SUCLG2: variants seen among roughly 807,000 people sequenced by gnomAD.
SUCLG2 encodes the protein succinate-CoA ligase GDP-forming subunit beta.
In SUCLG2, 42 loss-of-function variants were observed where a neutral mutation model predicts 47.9. That is an observed-to-expected ratio of 0.88 (90% CI 0.69 to 1.14). The LOEUF (loss-of-function observed/expected upper bound fraction) is 1.14, where lower values mean the gene tolerates loss of function less well. Ranked by LOEUF, SUCLG2 falls within the 50% of genes most tolerant of loss-of-function variation. SUCLG2 has a pLI of 0.00. For synonymous variants in SUCLG2, 195 were observed against 197.3 expected (o/e 0.99, Z 0.10); for missense variants, 571 against 525.9 (o/e 1.09, Z -0.84).
chr3:67,538,322 G>C (rs1706602957), intron 2 of SUCLG2, among the ~76,000 whole-genome samples: 1 of 152,188 alleles, frequency 6.6e-6, no homozygotes, highest in Non-Finnish European at 1.5e-5. Context: ...TTTAGGAAGA[G>C]GGAATTCTTT....
intron 2 of SUCLG2, among the ~76,000 whole-genome samples, chr3:67,581,562 G>C (rs1257982196): frequency 6.6e-6 from 1 of 152,194 alleles, no homozygotes; most frequent in Non-Finnish European, 1.5e-5. Flanking sequence ...CCTGTTGCAA[G>C]TTCTTTGCAC....
intron 10 of SUCLG2, among the ~76,000 whole-genome samples, chr3:67,387,391 G>A (rs1045514175): frequency 6.6e-6 from 1 of 152,164 alleles, no homozygotes; most frequent in Non-Finnish European, 1.5e-5. Context: ...TGTTCTTAAA[G>A]GGGGAAAGGT....
chr3:67,505,367 CT>C (rs1705607080), intron 7 of SUCLG2, among the ~76,000 whole-genome samples: 1 of 152,214 alleles, frequency 6.6e-6, no homozygotes, highest in Non-Finnish European at 1.5e-5. Flanking sequence ...ATATAACTTT[CT>C]GTCATTAGCA....
intron 9 of SUCLG2, among the ~76,000 whole-genome samples, chr3:67,483,415 C>T (rs1229767307): frequency 6.6e-6 from 1 of 152,156 alleles, no homozygotes; most frequent in African/African-American, 2.4e-5. Context: ...TCTCTAAGGT[C>T]AACTATCAGA....
At chr3:67,550,389 G>C (rs1448434980) in intron 2 of SUCLG2, among the ~76,000 whole-genome samples, 1 of 152,040 alleles carries the variant, frequency 6.6e-6, no homozygotes, top group East Asian at 1.9e-4. Context: ...ACCCAGGCTG[G>C]GGTACAGTGA....
intron 9 of SUCLG2, among the ~76,000 whole-genome samples, chr3:67,432,714 C>T (rs1361251089): frequency 2.6e-5 from 4 of 152,200 alleles, no homozygotes; most frequent in Admixed American, 6.5e-5. Flanking sequence ...TACCATATGC[C>T]ATCCCATTTT....
intron 4 of SUCLG2, among the ~76,000 whole-genome samples, chr3:67,520,974 C>T (rs1192938171): frequency 6.6e-6 from 1 of 152,122 alleles, no homozygotes; most frequent in African/African-American, 2.4e-5. Flanking sequence ...GAGATATTAA[C>T]AGTACACATA....
In SUCLG2 at chr3:67,470,794, G is replaced by A. The variant is rs182253714; in HGVS notation, c.1062+25004C>T. The stretch of plus-strand genomic sequence containing the variant: ...CAGTCTGTGCTATTTTGTTATAGCC[G>A]CAGAAAATGAGTTAAGATAAATGCC... On this transcript the variant is annotated intron_variant, in intron 9 of 10. Coordinates refer to ENST00000307227, the MANE Select transcript of SUCLG2 (RefSeq NM_003848.4). Among the ~76,000 whole-genome samples the A allele has an allele frequency of 2.6e-4, 40 of 152,296 alleles. No individual in the cohort carries two copies. The East Asian group carries it at 2.9e-3, about 11-fold the overall frequency.
chr3:67,520,507 G>A lies in SUCLG2; in HGVS notation c.545C>T (p.Ala182Val). The A allele has an allele frequency of 6.2e-7, 1 of 1,614,162 alleles. No homozygotes were observed. The change falls in exon 5 of 11, where the codon GCT (alanine) becomes GTT (valine). Residue 182 changes from alanine (A) to valine (V), a missense_variant. Ala to Val is a moderately conservative substitution (Grantham distance 64, BLOSUM62 0). Transcript: ENST00000307227. Reference sequence around the variant, plus strand: ...CTTAAAAATGAGCTCCGGGTTTGAAGCAGCCACCTCTTCAATGTCGACGCC... The same window carrying A: ...CTTAAAAATGAGCTCCGGGTTTGAAACAGCCACCTCTTCAATGTCGACGCC... ...QGGVDIEEVA[A>V]SNPELIFKEQ...
intron 9 of SUCLG2, among the ~76,000 whole-genome samples, chr3:67,493,330 A>G (rs1705250940): frequency 6.6e-6 from 1 of 152,228 alleles, no homozygotes; most frequent in Admixed American, 6.5e-5. Context: ...TGAGCTGTGC[A>G]TTCATTTTCC....
At chr3:67,509,846 T>C (rs1200037016) in intron 6 of SUCLG2, among the ~76,000 whole-genome samples, 2 of 152,210 alleles carry the variant, frequency 1.3e-5, no homozygotes, top group Non-Finnish European at 2.9e-5. Flanking sequence ...TTTTCAGTTC[T>C]CCAACTCTAC....
intron 9 of SUCLG2, among the ~76,000 whole-genome samples, chr3:67,416,529 T>A (rs1703043354): frequency 6.6e-6 from 1 of 152,218 alleles, no homozygotes; most frequent in African/African-American, 2.4e-5. Flanking sequence ...ACAGGGAATA[T>A]GAGACAATTT....
In SUCLG2 at chr3:67,490,826, A is replaced by G. The variant is rs75346210; in HGVS notation, c.1062+4972T>C. On this transcript the variant is annotated intron_variant, in intron 9 of 10. Coordinates refer to ENST00000307227, the MANE Select transcript of SUCLG2 (RefSeq NM_003848.4). Reference sequence around the variant, plus strand: ...GTATATTCAAATGGCTAATAAATACATGAAAAGGTGCTCAACCTCATTAGT... The same window carrying G: ...GTATATTCAAATGGCTAATAAATACGTGAAAAGGTGCTCAACCTCATTAGT... Among the ~76,000 whole-genome samples, 677 of 152,352 alleles carry G rather than the reference A, an allele frequency of 4.4e-3. 12 individuals carry two copies. The East Asian group carries it at 0.058, about 13-fold the overall frequency.
chr3:67,376,711 T>C (rs1702040669), intron 10 of SUCLG2, among the ~76,000 whole-genome samples: 1 of 152,114 alleles, frequency 6.6e-6, no homozygotes, highest in African/African-American at 2.4e-5. Context: ...AGGCAAATGC[T>C]GGATTAAATA....
chr3:67,586,236 T>TGGA (rs1453054237), intron 2 of SUCLG2, among the ~76,000 whole-genome samples: 1 of 152,200 alleles, frequency 6.6e-6, no homozygotes, highest in Non-Finnish European at 1.5e-5. Flanking sequence ...GTGAGGCTCC[T>TGGA]TCTTTACTAC....
chr3:67,514,588 A>G (rs1705890660), intron 6 of SUCLG2, among the ~76,000 whole-genome samples: 1 of 152,202 alleles, frequency 6.6e-6, no homozygotes, highest in Non-Finnish European at 1.5e-5. Flanking sequence ...TCATGTTTTC[A>G]GAAATGAACA....
At chr3:67,513,840 T>C (rs1705862910) in intron 6 of SUCLG2, 1 of 152,396 alleles carries the variant, frequency 6.6e-6, no homozygotes, top group African/African-American at 2.4e-5. Context: ...TACATGAAAA[T>C]CTGACAAGTT....
intron 2 of SUCLG2, among the ~76,000 whole-genome samples, chr3:67,560,669 G>GC (rs1208192343): frequency 6.6e-6 from 1 of 152,052 alleles, no homozygotes; most frequent in Non-Finnish European, 1.5e-5. Context: ...TCTTCACTAT[G>GC]CCCCCAACCC....
chr3:67,461,201 C>T (rs1704323734), intron 9 of SUCLG2, among the ~76,000 whole-genome samples: 1 of 152,090 alleles, frequency 6.6e-6, no homozygotes, highest in African/African-American at 2.4e-5. Flanking sequence ...AACTGAAATA[C>T]GACCATTAAC....
Sources: gnomAD v4.1 joint callset for allele counts (sites outside exome capture counted in the v4.1 genomes callset) on GRCh38, gnomAD v4.1.1 for gene constraint, MANE v1.5 for transcripts, NCBI Gene and HGNC (gene_info 2026-07-23, HGNC 2026-07-21) for gene names.